ZNF277: variants seen among roughly 807,000 people sequenced by gnomAD.
The protein encoded by ZNF277 is nuclear receptor-interacting factor 4.
Under a neutral mutation model 60.7 loss-of-function variants are expected in ZNF277, and 55 were observed. The observed-to-expected ratio is 0.91, with a 90% CI of 0.73 to 1.13. The LOEUF is 1.13. ZNF277 is among the 50% of genes most tolerant of loss of function. The pLI, the probability that ZNF277 is intolerant of heterozygous loss-of-function variation, is 0.00. For missense variants in ZNF277, 510 were observed against 523.0 expected, an observed-to-expected ratio of 0.98 and a Z score of 0.24; for synonymous variants, 178 against 179.3, an observed-to-expected ratio of 0.99 and a Z score of 0.06.
chr7:112,239,472 G>C (rs1372693406), intron 1 of ZNF277, among the ~76,000 whole-genome samples: 1 of 152,202 alleles, frequency 6.6e-6, no homozygotes, highest in Non-Finnish European at 1.5e-5. Flanking sequence ...AGTCCCAGTG[G>C]TGGTGACCAC....
At position 112,270,722 on chromosome 7, in the gene ZNF277, G is replaced by A. The variant is rs574801317; in HGVS notation, c.92-16151G>A. 5.3e-5 allele frequency among the ~76,000 whole-genome samples: 8 copies of A among 151,786 alleles called. No individual in the cohort carries two copies. The South Asian group carries it at 1.7e-3, about 32-fold the overall frequency. On this transcript the variant is annotated intron_variant, in intron 1 of 11. Transcript: ENST00000361822. Reference sequence around the variant, plus strand: ...TTCTTCTTCCAAAACCTATAGAAAAGGTAATATGTTTTCCTAAAAACAGAA... The same window carrying A: ...TTCTTCTTCCAAAACCTATAGAAAAAGTAATATGTTTTCCTAAAAACAGAA...
intron 4 of ZNF277, among the ~76,000 whole-genome samples, chr7:112,309,740 G>A (rs1238077635): frequency 6.6e-6 from 1 of 151,866 alleles, no homozygotes; most frequent in African/African-American, 2.4e-5. Flanking sequence ...CAAATTGGGG[G>A]TTCCTCAGGA....
intron 1 of ZNF277, among the ~76,000 whole-genome samples, chr7:112,246,168 G>C (rs1791079788): frequency 6.6e-6 from 1 of 151,992 alleles, no homozygotes; most frequent in Non-Finnish European, 1.5e-5. Context: ...AGGATTGCTT[G>C]AGCCCAGGAG....
intron 7 of ZNF277, among the ~76,000 whole-genome samples, chr7:112,331,785 G>A (rs147930474): frequency 1.2e-4 from 19 of 152,334 alleles, no homozygotes; most frequent in Middle Eastern, 3.4e-3. Flanking sequence ...CTAATAGGGA[G>A]TGGACTTCAG....
intron 1 of ZNF277, among the ~76,000 whole-genome samples, chr7:112,283,813 G>A (rs1294623698): frequency 6.6e-6 from 1 of 152,192 alleles, no homozygotes; most frequent in East Asian, 1.9e-4. Flanking sequence ...CTGTACTCTA[G>A]TGATTTTTGG....
At chr7:112,270,368 G>A (rs981044945) in intron 1 of ZNF277, among the ~76,000 whole-genome samples, 1 of 152,038 alleles carries the variant, frequency 6.6e-6, no homozygotes, top group East Asian at 1.9e-4. Flanking sequence ...CTCATTCTTG[G>A]CTTTCTTGAA....
intron 1 of ZNF277, among the ~76,000 whole-genome samples, chr7:112,268,255 C>T (rs1791592154): frequency 6.6e-6 from 1 of 151,036 alleles, no homozygotes; most frequent in Non-Finnish European, 1.5e-5. Context: ...CATGCACACA[C>T]ACGCACACAC....
chr7:112,306,886 T>C (rs1213617929), intron 4 of ZNF277, among the ~76,000 whole-genome samples: 1 of 152,142 alleles, frequency 6.6e-6, no homozygotes, highest in Non-Finnish European at 1.5e-5. Flanking sequence ...GGTTAGGTTC[T>C]CTCAGGCCTG....
chr7:112,215,923 G>A (rs1215747933), intron 1 of ZNF277, among the ~76,000 whole-genome samples: 2 of 152,152 alleles, frequency 1.3e-5, no homozygotes, highest in African/African-American at 2.4e-5. Flanking sequence ...TAGCCAATTA[G>A]AAAAGAAAAT....
At chr7:112,236,446 A>G (rs1282326408) in intron 1 of ZNF277, among the ~76,000 whole-genome samples, 1 of 152,080 alleles carries the variant, frequency 6.6e-6, no homozygotes, top group Non-Finnish European at 1.5e-5. Flanking sequence ...GGTTGAATCA[A>G]TTAGATACCC....
At chr7:112,254,627 G>C (rs1791269442) in intron 1 of ZNF277, among the ~76,000 whole-genome samples, 2 of 152,292 alleles carry the variant, frequency 1.3e-5, no homozygotes, top group Middle Eastern at 6.8e-3. Context: ...CTAATGAAAA[G>C]AAGTGTTTCC....
At chr7:112,237,627 A>G (rs1167966157) in intron 1 of ZNF277, among the ~76,000 whole-genome samples, 1 of 152,128 alleles carries the variant, frequency 6.6e-6, no homozygotes, top group East Asian at 1.9e-4. Context: ...CTAAAAACAT[A>G]CAACCTCCCA....
intron 1 of ZNF277, among the ~76,000 whole-genome samples, chr7:112,250,492 T>C (rs562527917): frequency 7.6e-4 from 115 of 152,308 alleles, no homozygotes; most frequent in Admixed American, 1.7e-3. Flanking sequence ...AACTCCCTAA[T>C]AAAAACTTGC....
At chr7:112,227,537 A>G (rs1822207572) in intron 1 of ZNF277, among the ~76,000 whole-genome samples, 2 of 152,206 alleles carry the variant, frequency 1.3e-5, no homozygotes, top group African/African-American at 4.8e-5. Context: ...GATTGGCACA[A>G]GAGTAGGTTA....
At chr7:112,261,846 G>A (rs1791444494) in intron 1 of ZNF277, among the ~76,000 whole-genome samples, 1 of 152,100 alleles carries the variant, frequency 6.6e-6, no homozygotes, top group South Asian at 2.1e-4. Flanking sequence ...TTAAAGCAAG[G>A]TGACCTGAAC....
chr7:112,258,939 A>G (rs916239063), intron 1 of ZNF277, among the ~76,000 whole-genome samples: 2 of 151,962 alleles, frequency 1.3e-5, no homozygotes, highest in African/African-American at 2.4e-5. Flanking sequence ...ATGTTAGCAA[A>G]TTGATTTTCA....
At chr7:112,304,852 A>G (rs532077366) in intron 4 of ZNF277, among the ~76,000 whole-genome samples, 1 of 152,294 alleles carries the variant, frequency 6.6e-6, no homozygotes, top group South Asian at 2.1e-4. Flanking sequence ...TCATGTAACT[A>G]GTAATTAAAA....
chr7:112,243,539 A>G (rs1189634700), intron 1 of ZNF277, among the ~76,000 whole-genome samples: 1 of 151,836 alleles, frequency 6.6e-6, no homozygotes, highest in East Asian at 1.9e-4. Flanking sequence ...ACATTTTTCA[A>G]AAGAAGACAT....
intron 4 of ZNF277, among the ~76,000 whole-genome samples, chr7:112,317,173 A>AT (rs1415025706): frequency 6.6e-6 from 1 of 152,096 alleles, no homozygotes; most frequent in African/African-American, 2.4e-5. Flanking sequence ...TAGGGAAGGG[A>AT]TAATATTAGG....
Sources: allele counts gnomAD v4.1 joint callset (sites outside exome capture counted in the v4.1 genomes callset), GRCh38; gene constraint gnomAD v4.1.1; transcripts MANE v1.5; gene names NCBI Gene and HGNC (gene_info 2026-07-23, HGNC 2026-07-21).